The following SLC67A1 variants were observed in gnomAD, a reference collection of about 807,000 sequenced individuals.
SLC67A1 encodes solute carrier family 67 member A1.
the SLC67A1 span, among the ~76,000 whole-genome samples, chr11:2,924,577 C>T: frequency 5.9e-5 from 9 of 152,244 alleles, no homozygotes; most frequent in Middle Eastern, 3.4e-3. The surrounding 1 kb of genome is among the most constrained non-coding windows in gnomAD (Gnocchi z 8.6). Flanking sequence ...CGGGAGGTTC[C>T]GGGCCCCAGG....
At chr11:2,916,358 C>T in the SLC67A1 span, 2 of 417,748 alleles carry the variant, frequency 4.8e-6, no homozygotes, top group Non-Finnish European at 8.5e-6. Flanking sequence ...CTGGCTTCCA[C>T]AGCTGCTACC....
the SLC67A1 span, chr11:2,922,330 C>A: frequency 6.5e-7 from 1 of 1,540,696 alleles, no homozygotes; most frequent in Non-Finnish European, 8.9e-7. Flanking sequence ...GGGGCCAGCT[C>A]TTCAGCAGGG....
At chr11:2,908,181 A>G in the SLC67A1 span, 1 of 1,281,836 alleles carries the variant, frequency 7.8e-7, no homozygotes, top group Non-Finnish European at 1.1e-6. Flanking sequence ...CCCAGATTCT[A>G]GGCCCTGCAG....
chr11:2,909,475 G>A, the SLC67A1 span: 1 of 1,438,690 alleles, frequency 7.0e-7, no homozygotes, highest in Non-Finnish European at 9.1e-7. Flanking sequence ...GGCTGGACGG[G>A]GGTGGGGGGC....
the SLC67A1 span, chr11:2,909,205 C>T: frequency 1.3e-6 from 2 of 1,534,656 alleles, no homozygotes; most frequent in Non-Finnish European, 1.7e-6. Flanking sequence ...GGTTCGCAGA[C>T]CAGCGCGGGG....
At chr11:2,904,073 A>T in the SLC67A1 span, among the ~76,000 whole-genome samples, 1 of 152,222 alleles carries the variant, frequency 6.6e-6, no homozygotes, top group Non-Finnish European at 1.5e-5. Context: ...TTAGTGTATC[A>T]TTCAGTAGTC....
chr11:2,909,274 G>A, the SLC67A1 span: 3 of 1,535,120 alleles, frequency 2.0e-6, no homozygotes, highest in South Asian at 2.4e-5. Context: ...TGCTCCTGGC[G>A]GCCGCCTCCA....
the SLC67A1 span, chr11:2,909,427 C>T: frequency 6.2e-6 from 9 of 1,455,608 alleles, no homozygotes; most frequent in Non-Finnish European, 8.1e-6. Flanking sequence ...CGGGACACCT[C>T]CAGGGAGGTC....
chr11:2,914,746 T>C, the SLC67A1 span: 3 of 985,330 alleles, frequency 3.0e-6, no homozygotes, highest in African/African-American at 3.5e-5. Flanking sequence ...TGTGTACTTC[T>C]GGGACATCTG....
the SLC67A1 span, chr11:2,899,768 G>A: frequency 7.1e-7 from 1 of 1,416,488 alleles, no homozygotes; most frequent in Non-Finnish European, 9.3e-7. Context: ...CCAGTTCCCT[G>A]GCTACCTGAG....
chr11:2,924,961 T>C, the SLC67A1 span: 2 of 1,529,882 alleles, frequency 1.3e-6, no homozygotes, highest in Non-Finnish European at 1.8e-6. The surrounding 1 kb of genome is among the most constrained non-coding windows in gnomAD (Gnocchi z 8.6). Flanking sequence ...AAGTGGGCAG[T>C]TGGCCCAGGG....
At chr11:2,902,716 G>A in the SLC67A1 span, 1 of 985,644 alleles carries the variant, frequency 1.0e-6, no homozygotes, top group African/African-American at 1.7e-5. Context: ...TCCGCTGTGG[G>A]AGGTAAGGCA....
chr11:2,918,995 A>G, the SLC67A1 span: 1 of 348,930 alleles, frequency 2.9e-6, no homozygotes, highest in Non-Finnish European at 5.5e-6. Context: ...GGGCTCTTAT[A>G]ACAGAGAGCC....
chr11:2,909,068 C>A, the SLC67A1 span: 3 of 843,624 alleles, frequency 3.6e-6, 1 homozygote, highest in African/African-American at 5.5e-5. Context: ...GCCGCCCAGG[C>A]GCCCCCGCCC....
the SLC67A1 span, chr11:2,903,379 C>G: frequency 6.2e-7 from 1 of 1,613,046 alleles, no homozygotes; most frequent in African/African-American, 1.3e-5. Context: ...GGACCAGGGC[C>G]GGTCCCCCGG....
chr11:2,902,637 C>T, the SLC67A1 span: 8 of 985,404 alleles, frequency 8.1e-6, no homozygotes, highest in South Asian at 4.7e-5. Flanking sequence ...TGGGGAAGTC[C>T]TCTGCAGCCG....
chr11:2,918,175 G>A, the SLC67A1 span: 3 of 1,078,286 alleles, frequency 2.8e-6, no homozygotes, highest in East Asian at 2.5e-5. Context: ...CCTTCCTCTG[G>A]CCTGTGCCCC....
At chr11:2,906,295 T>G in the SLC67A1 span, among the ~76,000 whole-genome samples, 1 of 152,210 alleles carries the variant, frequency 6.6e-6, no homozygotes, top group Non-Finnish European at 1.5e-5. Context: ...GTTCAACCAT[T>G]GTGGAAGACA....
At chr11:2,916,888 G>C in the SLC67A1 span, 4 of 671,408 alleles carry the variant, frequency 6.0e-6, no homozygotes, top group East Asian at 1.1e-4. Context: ...ACCCTTCCCA[G>C]CTGCTGACAT....
Sources: gnomAD v4.1 joint callset for allele counts (sites outside exome capture counted in the v4.1 genomes callset) on GRCh38, gnomAD v4.1.1 for gene constraint, Gnocchi (gnomAD v3.1) non-coding constraint, MANE v1.5 for transcripts, NCBI Gene and HGNC (gene_info 2026-07-23, HGNC 2026-07-21) for gene names.